Variants in ADAMTS7 observed in about 807,000 individuals in gnomAD.
ADAMTS7 encodes ADAM metallopeptidase with thrombospondin type 1 motif 7.
In ADAMTS7, 89 loss-of-function variants were observed where a neutral mutation model predicts 172.6. That is an observed-to-expected ratio of 0.52 (90% CI 0.43 to 0.61). The LOEUF (loss-of-function observed/expected upper bound fraction) is 0.61, where lower values mean the gene tolerates loss of function less well. Among genes scored for constraint, ADAMTS7 ranks in the 20% least tolerant of loss-of-function variants. The pLI is 0.00. For missense variants in ADAMTS7, 1,973 were observed against 2,355.6 expected, an observed-to-expected ratio of 0.84 and a Z score of 3.36; for synonymous variants, 885 against 978.4, an observed-to-expected ratio of 0.90 and a Z score of 1.78.
At chr15:78,800,144 T>A (rs1245568300) in intron 2 of ADAMTS7, 48 bp downstream of exon 2, 7 of 1,515,928 alleles carry the variant, frequency 4.6e-6, no homozygotes, top group Non-Finnish European at 5.4e-6. Flanking sequence ...AATCTGCACA[T>A]CCCACCACCC....
At chr15:78,788,704 C>T (rs564401433) in intron 7 of ADAMTS7, among the ~76,000 whole-genome samples, 11 of 152,390 alleles carry the variant, frequency 7.2e-5, no homozygotes, top group African/African-American at 2.6e-4. Flanking sequence ...ATGGCCCCTG[C>T]AAGCTCACTG....
At chr15:78,796,096 C>A (rs1008690085) in intron 4 of ADAMTS7, among the ~76,000 whole-genome samples, 14 of 152,184 alleles carry the variant, frequency 9.2e-5, no homozygotes, top group Non-Finnish European at 1.9e-4. Context: ...GTGACTTGCC[C>A]AAGGCTACCA....
intron 7 of ADAMTS7, 56 bp downstream of exon 7, chr15:78,789,633 C>T (rs2055550408): frequency 6.2e-7 from 1 of 1,600,870 alleles, no homozygotes; most frequent in Non-Finnish European, 8.5e-7. Context: ...CCGGTGCCCC[C>T]AGGCTGCGAG....
intron 1 of ADAMTS7, chr15:78,810,585 A>G (rs1327318759): frequency 6.6e-6 from 1 of 152,194 alleles, no homozygotes; most frequent in Non-Finnish European, 1.5e-5. Flanking sequence ...ACCGCGCAAG[A>G]CCCGGCCCCC....
In ADAMTS7 at chr15:78,796,646, C is replaced by A. The variant is rs1425119722; in HGVS notation, c.763G>T (p.Val255Leu). The stretch of plus-strand genomic sequence containing the variant: ...ACCTGCGGCTGTCCGTGGTACTCCA[C>A]CATTTTGGCATCAGCTACTACCAGG... ...ETLVVADAKMVEYHGQPQVES... is the reference protein window; with the variant it reads ...ETLVVADAKMLEYHGQPQVES... The change falls in exon 4 of 24, where the codon GTG becomes TTG. Residue 255 changes from valine to leucine, a missense_variant. This residue lies in a region of ADAMTS7 where 526 missense variants were observed against 662.9 expected (regional missense o/e 0.79). Coordinates refer to ENST00000388820, the MANE Select transcript of ADAMTS7 (RefSeq NM_014272.5). The A allele has an allele frequency of 2.5e-6, 4 of 1,614,148 alleles. No individual in the cohort carries two copies. In the South Asian group the frequency reaches 4.4e-5, roughly 18 times the overall value.
At chr15:78,794,562 TC>T (rs1171454335) in intron 4 of ADAMTS7, among the ~76,000 whole-genome samples, 3 of 152,016 alleles carry the variant, frequency 2.0e-5, no homozygotes, top group Non-Finnish European at 4.4e-5. Flanking sequence ...TCCCACCCTC[TC>T]CCCGAGGATG....
At chr15:78,778,547 T>A (rs2055385960) in intron 8 of ADAMTS7, among the ~76,000 whole-genome samples, 1 of 152,182 alleles carries the variant, frequency 6.6e-6, no homozygotes, top group Admixed American at 6.5e-5. Flanking sequence ...GGAGGAAGGT[T>A]TGCTGCCTTC....
At chr15:78,810,879 C>A (rs2055857516) in intron 1 of ADAMTS7, 1 of 377,794 alleles carries the variant, frequency 2.6e-6, no homozygotes, top group Non-Finnish European at 4.6e-6. Flanking sequence ...TTATTCCAGG[C>A]GACAGGCAGT....
chr15:78,769,900 A>G (rs1282817778), intron 16 of ADAMTS7, among the ~76,000 whole-genome samples: 3 of 152,210 alleles, frequency 2.0e-5, no homozygotes, highest in Non-Finnish European at 2.9e-5. Context: ...AGTGGCTCAC[A>G]CCTGTAATCC....
chr15:78,773,422 T>C (rs2055287034), intron 13 of ADAMTS7, among the ~76,000 whole-genome samples: 1 of 151,482 alleles, frequency 6.6e-6, no homozygotes, highest in South Asian at 2.1e-4. Context: ...GACCCACCCC[T>C]CCCTTAAAGG....
chr15:78,796,423 AC>A (rs1374841041), intron 4 of ADAMTS7, among the ~76,000 whole-genome samples, 166 bp downstream of exon 4: 2 of 151,318 alleles, frequency 1.3e-5, no homozygotes, highest in East Asian at 3.9e-4. Context: ...AGCTGCCAAG[AC>A]CCCCACCCCT....
rs1207343250 is a variant in ADAMTS7 at position 78,760,545 on chromosome 15, G to A, written c.4904-967C>T. Among the ~76,000 whole-genome samples the A allele has an allele frequency of 6.6e-5, 10 of 152,172 alleles. No homozygotes were observed. In the East Asian group the frequency reaches 7.8e-4, roughly 12 times the overall value. ...CTGCAGGCCTGCATCCTGGTCGCCC[G>A]GGGTGACCTCAGACAAGCTGCTTCA... is the stretch of plus-strand genomic sequence containing the variant. On this transcript the variant is annotated intron_variant, in intron 23 of 23. Transcript: ENST00000388820.
intron 1 of ADAMTS7, among the ~76,000 whole-genome samples, chr15:78,803,569 T>C (rs1329903482): frequency 6.6e-6 from 1 of 152,064 alleles, no homozygotes; most frequent in East Asian, 1.9e-4. Context: ...TCTTGTCTCT[T>C]AGCCTTTCAA....
In ADAMTS7 at chr15:78,777,298, A is replaced by C. The variant is rs569766597; in HGVS notation, c.1467+146T>G. 47 of 1,208,880 alleles carry C rather than the reference A, an allele frequency of 3.9e-5. No homozygotes were observed. The African/African-American group carries it at 7.0e-4, about 18-fold the overall frequency. The allele number at this position is 1,208,880 out of a possible 1,614,324, so 74.9% of individuals were successfully genotyped here. A position where few individuals can be genotyped will look rare whatever the true frequency, so the allele number is the denominator to read the frequency against. The stretch of plus-strand genomic sequence containing the variant: ...CCATCCCTGGCCTCTCCCACAGGCC[A>C]CTTGACGTCTCACAGTGTCACTCAG... On this transcript the variant is annotated intron_variant, in intron 9 of 23. Transcript: ENST00000388820.
intron 22 of ADAMTS7, among the ~76,000 whole-genome samples, chr15:78,762,917 C>T (rs1220320056): frequency 6.6e-6 from 1 of 152,190 alleles, no homozygotes; most frequent in African/African-American, 2.4e-5. Context: ...GAGATGTGGG[C>T]GAGACACCGC....
At chr15:78,801,163 G>T (rs775914717) in intron 1 of ADAMTS7, among the ~76,000 whole-genome samples, 2 of 152,026 alleles carry the variant, frequency 1.3e-5, no homozygotes, top group African/African-American at 4.8e-5. Context: ...AAACCAGCGC[G>T]ATCATCGTCT....
chr15:78,767,766 A>G, intron 17 of ADAMTS7, among the ~76,000 whole-genome samples, 174 bp from the exon 18 acceptor site: 1 of 151,952 alleles, frequency 6.6e-6, no homozygotes. Context: ...CTGCCCTCAA[A>G]GCCTGGTGAC....
At position 78,776,737 on chromosome 15, in the gene ADAMTS7, G is replaced by A. The variant is rs377613782; in HGVS notation, c.1560+12C>T. Reference sequence around the variant, plus strand: ...TCACACACCCACTGCCGGGACTGGGGACATCCCCTACCTTATTCTCCCCAC... The same window carrying A: ...TCACACACCCACTGCCGGGACTGGGAACATCCCCTACCTTATTCTCCCCAC... On this transcript the variant is annotated intron_variant, in intron 10 of 23. Coordinates refer to ENST00000388820, the MANE Select transcript of ADAMTS7 (RefSeq NM_014272.5). 945 of 1,547,712 alleles carry A rather than the reference G, an allele frequency of 6.1e-4. No individual in the cohort carries two copies. Among genetic ancestry groups the A allele is most frequent in the Non-Finnish European group, 7.6e-4 (871 of 1,143,700 alleles).
At position 78,811,442 on chromosome 15, in the gene ADAMTS7, TAGAAGGAGAGAA is replaced by T. The variant is rs2055866549; in HGVS notation, c.-234_-223del. 2.7e-6 allele frequency: 1 copy of T among 370,798 alleles called. No homozygotes were observed. Among genetic ancestry groups the T allele is most frequent in the East Asian group, 4.2e-5 (1 of 23,840 alleles). 23.0% of individuals were successfully genotyped at this position (370,798 alleles called of 1,614,324 possible). ...AGAGGCAAAGAAAAGACAAGAGAGC[TAGAAGGAGAGAA>T]AGAAAGAAAGAAAGAAAGGGAGGGA... On this transcript the variant is annotated 5_prime_UTR_variant, in exon 1 of 24. Transcript: ENST00000388820.
Sources: allele counts gnomAD v4.1 joint callset (sites outside exome capture counted in the v4.1 genomes callset), GRCh38; gene constraint gnomAD v4.1.1; regional missense constraint gnomAD v4.1.1; transcripts MANE v1.5; gene names NCBI Gene and HGNC (gene_info 2026-07-23, HGNC 2026-07-21).